Variants in NAA35 observed in about 807,000 individuals in gnomAD.
NAA35 encodes the protein MAK10 homolog, amino-acid N-acetyltransferase subunit.
Under a neutral mutation model 101.7 loss-of-function variants are expected in NAA35, and 18 were observed. The ratio of observed to expected loss-of-function variants is 0.18; its 90% CI spans 0.12 to 0.26. The LOEUF (loss-of-function observed/expected upper bound fraction) is 0.26, where lower values mean the gene tolerates loss of function less well. Among genes scored for constraint, NAA35 ranks in the 10% least tolerant of loss-of-function variants. The pLI is 1.00. For synonymous variants in NAA35, 267 were observed against 273.1 expected (o/e 0.98, Z 0.22); for missense variants, 601 against 886.8 (o/e 0.68, Z 4.09).
chr9:85,947,287 T>C (rs926782048), intron 2 of NAA35, among the ~76,000 whole-genome samples: 4 of 152,206 alleles, frequency 2.6e-5, no homozygotes, highest in Non-Finnish European at 5.9e-5. Flanking sequence ...TTAAAAATTA[T>C]GGAAAAAATA....
At chr9:85,966,792 C>A in intron 6 of NAA35, 1 of 351,886 alleles carries the variant, frequency 2.8e-6, no homozygotes, top group Non-Finnish European at 5.1e-6. Context: ...CTAGTTATTT[C>A]ACCTCTATAA....
intron 12 of NAA35, among the ~76,000 whole-genome samples, chr9:85,999,114 T>C (rs932106046): frequency 6.6e-6 from 1 of 152,238 alleles, no homozygotes; most frequent in African/African-American, 2.4e-5. Flanking sequence ...TGCTTTCTTA[T>C]TAGATTGCTC....
intron 4 of NAA35, among the ~76,000 whole-genome samples, chr9:85,958,929 A>G (rs889585914): frequency 2.2e-4 from 33 of 152,256 alleles, no homozygotes; most frequent in African/African-American, 7.2e-4. Context: ...TACTTGTGGT[A>G]GTGAATTTAA....
chr9:85,973,078 G>C (rs1449554171), intron 6 of NAA35, among the ~76,000 whole-genome samples: 3 of 152,204 alleles, frequency 2.0e-5, no homozygotes, highest in Admixed American at 1.3e-4. Flanking sequence ...GAATATAAGG[G>C]ATGAAACCTT....
chr9:85,954,431 G>A (rs1436885973), intron 2 of NAA35, among the ~76,000 whole-genome samples: 1 of 152,090 alleles, frequency 6.6e-6, no homozygotes, highest in Non-Finnish European at 1.5e-5. Context: ...ACAGTGTCTC[G>A]ACCATTTTAC....
intron 12 of NAA35, among the ~76,000 whole-genome samples, chr9:86,001,004 C>T (rs1376285789): frequency 1.3e-5 from 2 of 152,002 alleles, no homozygotes; most frequent in Non-Finnish European, 2.9e-5. Flanking sequence ...ATCTTTCTAA[C>T]TTTTTGATGT....
chr9:86,019,234 G>A (rs1475189910), intron 21 of NAA35, among the ~76,000 whole-genome samples: 2 of 151,940 alleles, frequency 1.3e-5, no homozygotes, highest in African/African-American at 2.4e-5. Flanking sequence ...CGAGGTGGGT[G>A]GATCACCTTA....
chr9:85,975,720 T>C (rs1183064727), intron 8 of NAA35, among the ~76,000 whole-genome samples: 5 of 152,216 alleles, frequency 3.3e-5, no homozygotes, highest in Admixed American at 1.3e-4. Context: ...TTTCAACTTT[T>C]TGCCAGTGTT....
chr9:85,956,257 A>G, intron 2 of NAA35, 103 bp from the exon 3 acceptor site: 2 of 647,180 alleles, frequency 3.1e-6, no homozygotes, highest in Non-Finnish European at 5.0e-6. Context: ...ATGAATTTTA[A>G]AGTAATACAA....
At chr9:86,006,467 TAAAAAG>T (rs1415587549) in intron 13 of NAA35, among the ~76,000 whole-genome samples, 4 of 151,972 alleles carry the variant, frequency 2.6e-5, no homozygotes, top group African/African-American at 9.7e-5. Context: ...TACTCAGAAA[TAAAAAG>T]AAAATGAAGC....
chr9:85,968,032 T>G (rs932781551), intron 6 of NAA35, among the ~76,000 whole-genome samples: 8 of 152,158 alleles, frequency 5.3e-5, no homozygotes, highest in African/African-American at 1.9e-4. Context: ...TTTGATTACC[T>G]CTTTCTTCTT....
chr9:85,954,662 T>A (rs1387461382), intron 2 of NAA35, among the ~76,000 whole-genome samples: 3 of 152,052 alleles, frequency 2.0e-5, no homozygotes, highest in Non-Finnish European at 4.4e-5. Flanking sequence ...AAGTGAAGAG[T>A]ACATGATTAG....
chr9:85,987,260 GA>G (rs1272910226), intron 11 of NAA35, among the ~76,000 whole-genome samples: 1 of 152,200 alleles, frequency 6.6e-6, no homozygotes, highest in African/African-American at 2.4e-5. Flanking sequence ...ATATGTGACT[GA>G]AAAAAGTTAA....
chr9:85,997,703 C>T (rs1831226489), intron 12 of NAA35, among the ~76,000 whole-genome samples: 1 of 152,082 alleles, frequency 6.6e-6, no homozygotes, highest in Non-Finnish European at 1.5e-5. Context: ...AGGCTGCTCT[C>T]GAACTCTTGG....
intron 19 of NAA35, 125 bp downstream of exon 19, chr9:86,017,690 T>C: frequency 2.6e-6 from 2 of 773,572 alleles, no homozygotes; most frequent in Non-Finnish European, 4.1e-6. Context: ...TCCTGTCTGC[T>C]TGAAGATTAC....
rs1367587282 is a variant in NAA35 at position 86,014,350 on chromosome 9, T to C, written c.1568+453T>C. The C allele has an allele frequency of 1.0e-5, 10 of 979,700 alleles. No homozygotes were observed. The South Asian group carries it at 1.9e-4, about 18-fold the overall frequency. The allele number at this position is 979,700 out of a possible 1,614,324, so 60.7% of individuals were successfully genotyped here. A position where few individuals can be genotyped will look rare whatever the true frequency, so the allele number is the denominator to read the frequency against. On this transcript the variant is annotated intron_variant, in intron 17 of 22. Coordinates refer to ENST00000361671, the MANE Select transcript of NAA35 (RefSeq NM_024635.4). ...AGGATTCACTTCAGGAGCTTTGGAG[T>C]TGATAAAAGATGATCTTCGGCAGAG...
intron 2 of NAA35, among the ~76,000 whole-genome samples, chr9:85,951,383 A>C (rs1029537830): frequency 2.0e-5 from 3 of 152,208 alleles, no homozygotes; most frequent in African/African-American, 7.2e-5. Flanking sequence ...CTCACCAAAT[A>C]TGTAGTTGAA....
intron 6 of NAA35, among the ~76,000 whole-genome samples, chr9:85,969,665 C>T (rs1254536022): frequency 6.6e-6 from 1 of 152,068 alleles, no homozygotes; most frequent in Non-Finnish European, 1.5e-5. Context: ...GGGGTACCCA[C>T]AGCCTGGACA....
At chr9:85,956,154 T>C (rs1437736224) in intron 2 of NAA35, among the ~76,000 whole-genome samples, 4 of 152,228 alleles carry the variant, frequency 2.6e-5, no homozygotes, top group Admixed American at 2.0e-4. Flanking sequence ...CCTAAACCAC[T>C]TGATTTATCG....
Sources: allele counts gnomAD v4.1 joint callset (sites outside exome capture counted in the v4.1 genomes callset), GRCh38; gene constraint gnomAD v4.1.1; transcripts MANE v1.5; gene names NCBI Gene and HGNC (gene_info 2026-07-23, HGNC 2026-07-21).